Variants in RSF1 observed in about 807,000 individuals in gnomAD.
RSF1 encodes HBV pX-associated protein 8.
Under a neutral mutation model 145.2 loss-of-function variants are expected in RSF1, and 13 were observed. The observed-to-expected ratio is 0.09, with a 90% CI of 0.06 to 0.14. The LOEUF (loss-of-function observed/expected upper bound fraction) is 0.14. Among genes scored for constraint, RSF1 ranks in the 10% least tolerant of loss-of-function variants. The probability of loss-of-function intolerance (pLI) is 1.00; values close to 1 mark genes in which losing one functional copy is unlikely to be tolerated. For missense variants in RSF1, 1,517 were observed against 1,718.2 expected (o/e 0.88, Z 2.07); for synonymous variants, 577 against 592.6 (o/e 0.97, Z 0.38).
chr11:77,750,101 A>T (rs1332109589), intron 2 of RSF1, among the ~76,000 whole-genome samples: 1 of 145,946 alleles, frequency 6.9e-6, no homozygotes. Context: ...TTTGATGTTA[A>T]AAAAAAAAAA....
chr11:77,862,537 T>G, the RSF1 span, among the ~76,000 whole-genome samples: 1 of 152,186 alleles, frequency 6.6e-6, no homozygotes, highest in Non-Finnish European at 1.5e-5. Context: ...CTTTGGTTCA[T>G]TGTTTACCCC....
chr11:77,787,065 G>A (rs1032403742), intron 1 of RSF1, among the ~76,000 whole-genome samples: 2 of 152,178 alleles, frequency 1.3e-5, no homozygotes, highest in Non-Finnish European at 2.9e-5. Context: ...GCTGCAGAGA[G>A]TACTCTGGAA....
At chr11:77,804,211 T>G (rs1014398200) in intron 1 of RSF1, among the ~76,000 whole-genome samples, 1 of 152,206 alleles carries the variant, frequency 6.6e-6, no homozygotes, top group Non-Finnish European at 1.5e-5. Flanking sequence ...CCTTGCCCTA[T>G]GGGTCTTTTC....
chr11:77,804,289 T>G (rs1010314459), intron 1 of RSF1, among the ~76,000 whole-genome samples: 6 of 152,118 alleles, frequency 3.9e-5, no homozygotes, highest in Non-Finnish European at 8.8e-5. Context: ...CTTTCTTGAG[T>G]TCTGTGAGTC....
At chr11:77,760,078 A>T (rs1380307282) in intron 2 of RSF1, among the ~76,000 whole-genome samples, 3 of 152,214 alleles carry the variant, frequency 2.0e-5, no homozygotes, top group African/African-American at 7.2e-5. Flanking sequence ...ACTCCTAGTT[A>T]TATACAGGAG....
chr11:77,872,097 T>C, the RSF1 span: 1 of 1,460,130 alleles, frequency 6.8e-7, no homozygotes. Context: ...TTCTGTAGAG[T>C]ACACCTGCCT....
intron 14 of RSF1, among the ~76,000 whole-genome samples, chr11:77,673,246 T>A (rs1484303143): frequency 6.6e-6 from 1 of 152,196 alleles, no homozygotes; most frequent in African/African-American, 2.4e-5. Flanking sequence ...AGAATACAAA[T>A]CTGCTAAATA....
intron 1 of RSF1, among the ~76,000 whole-genome samples, chr11:77,784,314 T>C (rs1384006513): frequency 6.6e-6 from 1 of 152,226 alleles, no homozygotes; most frequent in African/African-American, 2.4e-5. Context: ...TAAGATACTA[T>C]TATTTTTTTA....
At chr11:77,864,157 C>A in the RSF1 span, among the ~76,000 whole-genome samples, 4 of 152,186 alleles carry the variant, frequency 2.6e-5, no homozygotes, top group Middle Eastern at 3.4e-3. Flanking sequence ...GAACTCCTGA[C>A]CTCAGGTGAT....
the RSF1 span, chr11:77,850,578 C>T: frequency 6.6e-6 from 1 of 152,040 alleles, no homozygotes; most frequent in African/African-American, 2.4e-5. Flanking sequence ...TAAAGAAAAA[C>T]CAATTAGCAG....
rs936624559 is a variant in RSF1 at position 77,683,932 on chromosome 11, A to T, written c.2956-113T>A. 58 of 693,750 alleles carry T rather than the reference A, an allele frequency of 8.4e-5. No individual in the cohort carries two copies. The Admixed American group carries it at 1.5e-3, about 18-fold the overall frequency. 43.0% of individuals were successfully genotyped at this position (693,750 alleles called of 1,614,324 possible). On this transcript the variant is annotated intron_variant, in intron 10 of 15. Transcript: ENST00000308488. The stretch of plus-strand genomic sequence containing the variant: ...GTAGCACATGTGAAAGGTCTGAAAA[A>T]GTTTGAGATGATCCCCTCCAAAAGT...
At chr11:77,695,922 A>C (rs950477784) in intron 7 of RSF1, among the ~76,000 whole-genome samples, 2 of 152,150 alleles carry the variant, frequency 1.3e-5, no homozygotes, top group South Asian at 4.1e-4. Flanking sequence ...CCTATTATTT[A>C]CACTTTATTT....
At chr11:77,801,480 G>C (rs1948625930) in intron 1 of RSF1, among the ~76,000 whole-genome samples, 1 of 152,188 alleles carries the variant, frequency 6.6e-6, no homozygotes, top group African/African-American at 2.4e-5. Flanking sequence ...TCCTGACACA[G>C]AGCTCCTAAA....
At chr11:77,758,042 T>C (rs777421688) in intron 2 of RSF1, among the ~76,000 whole-genome samples, 1 of 149,336 alleles carries the variant, frequency 6.7e-6, no homozygotes, top group South Asian at 2.1e-4. Context: ...CTGAAGTAAG[T>C]GGAAGGATCA....
At chr11:77,730,031 A>G (rs1961164126) in intron 4 of RSF1, among the ~76,000 whole-genome samples, 1 of 151,936 alleles carries the variant, frequency 6.6e-6, no homozygotes, top group Non-Finnish European at 1.5e-5. Flanking sequence ...CCAAGCATTA[A>G]TTATTCCAAG....
At position 77,672,006 on chromosome 11, in the gene RSF1, G is replaced by T. The variant is rs189137630; in HGVS notation, c.3751+36C>A. 170 of 1,548,474 alleles carry T rather than the reference G, an allele frequency of 1.1e-4. 1 individual carries two copies. The Admixed American group carries it at 3.3e-3, about 30-fold the overall frequency. On this transcript the variant is annotated intron_variant, in intron 15 of 15. Transcript: ENST00000308488. ...CACTTTATAATGTCTATTTTGCCCT[G>T]TCCAAACTTCTATATATAGGAGACC...
chr11:77,817,235 A>G (rs931015123), intron 1 of RSF1, among the ~76,000 whole-genome samples: 2 of 152,228 alleles, frequency 1.3e-5, no homozygotes, highest in African/African-American at 2.4e-5. Context: ...CTAAATTTCA[A>G]CAAATAATGT....
chr11:77,776,526 A>C (rs566907281), intron 1 of RSF1, among the ~76,000 whole-genome samples: 1 of 152,210 alleles, frequency 6.6e-6, no homozygotes, highest in Non-Finnish European at 1.5e-5. Context: ...GTCATAAAGC[A>C]GAACGAAATG....
At chr11:77,731,908 G>A (rs187428295) in intron 4 of RSF1, among the ~76,000 whole-genome samples, 2,371 of 152,344 alleles carry the variant, frequency 0.016, 131 homozygotes, top group Admixed American at 0.11. Context: ...AGGGCAGTGT[G>A]GAAGGGAAAT....
Sources: gnomAD v4.1 joint callset for allele counts (sites outside exome capture counted in the v4.1 genomes callset) on GRCh38, gnomAD v4.1.1 for gene constraint, MANE v1.5 for transcripts, NCBI Gene and HGNC (gene_info 2026-07-23, HGNC 2026-07-21) for gene names.